SOX6: variants seen among roughly 807,000 people sequenced by gnomAD.
The protein encoded by SOX6 is transcription factor SOX-6.
Under a neutral mutation model 97.8 loss-of-function variants are expected in SOX6, and 11 were observed. That is an observed-to-expected ratio of 0.11 (90% CI 0.07 to 0.19). SOX6 has a LOEUF of 0.19. Among genes scored for constraint, SOX6 ranks in the 10% least tolerant of loss-of-function variants. SOX6 has a pLI of 1.00. For missense variants in SOX6, 810 were observed against 1,039.5 expected, an observed-to-expected ratio of 0.78 and a Z score of 3.04; for synonymous variants, 360 against 371.4, an observed-to-expected ratio of 0.97 and a Z score of 0.35.
chr11:16,705,283 A>G (rs2134043849), intron 3 of SOX6, among the ~76,000 whole-genome samples: 2 of 151,838 alleles, frequency 1.3e-5, no homozygotes, highest in East Asian at 3.9e-4. Context: ...AAAGAAAGAA[A>G]CTAGAAATCA....
chr11:16,341,291 A>G (rs985098322), intron 1 of SOX6, 39 bp from the exon 2 acceptor site: 1 of 1,608,404 alleles, frequency 6.2e-7, no homozygotes, highest in Non-Finnish European at 8.5e-7. Context: ...AATGGCTGTC[A>G]ATAACAAACC....
At chr11:16,262,704 G>T (rs1275052393) in intron 3 of SOX6, among the ~76,000 whole-genome samples, 2 of 151,918 alleles carry the variant, frequency 1.3e-5, no homozygotes, top group African/African-American at 2.4e-5. Flanking sequence ...AAATATATAG[G>T]CATTGGCTTT....
chr11:16,612,843 C>G (rs1848415898), intron 3 of SOX6, among the ~76,000 whole-genome samples: 1 of 152,122 alleles, frequency 6.6e-6, no homozygotes, highest in Admixed American at 6.5e-5. Flanking sequence ...GGGAACCTTA[C>G]CTGCAGCACC....
At chr11:15,985,804 G>A (rs1357094072) in intron 15 of SOX6, among the ~76,000 whole-genome samples, 1 of 152,136 alleles carries the variant, frequency 6.6e-6, no homozygotes, top group Non-Finnish European at 1.5e-5. Flanking sequence ...CACAACAAAA[G>A]CAGACTATTG....
intron 3 of SOX6, among the ~76,000 whole-genome samples, chr11:16,677,826 G>C (rs1847896472): frequency 6.6e-6 from 1 of 152,078 alleles, no homozygotes; most frequent in Non-Finnish European, 1.5e-5. Context: ...AAGCTATCTG[G>C]CACTGGAATT....
At chr11:16,574,145 A>G (rs1847962213) in intron 4 of SOX6, among the ~76,000 whole-genome samples, 1 of 152,186 alleles carries the variant, frequency 6.6e-6, no homozygotes, top group African/African-American at 2.4e-5. Flanking sequence ...AGTTAATTCT[A>G]AATTTATATG....
At chr11:16,057,598 A>C (rs958541928) in intron 9 of SOX6, among the ~76,000 whole-genome samples, 6 of 152,134 alleles carry the variant, frequency 3.9e-5, no homozygotes, top group Non-Finnish European at 8.8e-5. Context: ...GGCACTTGTA[A>C]TTCCTTTTGC....
At chr11:16,401,366 G>A (rs899259377) in intron 1 of SOX6, among the ~76,000 whole-genome samples, 2 of 151,440 alleles carry the variant, frequency 1.3e-5, no homozygotes, top group East Asian at 1.9e-4. Context: ...AAAATGGAGC[G>A]TTAATAGTTA....
At chr11:16,100,749 C>T (rs1382399769) in intron 7 of SOX6, among the ~76,000 whole-genome samples, 1 of 149,406 alleles carries the variant, frequency 6.7e-6, no homozygotes, top group Admixed American at 6.7e-5. Flanking sequence ...ATAAAGTCTA[C>T]CTTTTAAAAA....
At chr11:16,154,596 G>A (rs1221963364) in intron 6 of SOX6, among the ~76,000 whole-genome samples, 1 of 151,956 alleles carries the variant, frequency 6.6e-6, no homozygotes, top group Non-Finnish European at 1.5e-5. Flanking sequence ...ATTAAGTACA[G>A]TGGTCTTCTG....
chr11:16,467,333 C>T (rs942989315), intron 1 of SOX6, among the ~76,000 whole-genome samples: 2 of 152,156 alleles, frequency 1.3e-5, no homozygotes, highest in African/African-American at 4.8e-5. Context: ...AAGACACATG[C>T]ATGCATATGT....
At chr11:16,314,597 A>T (rs988800993) in intron 3 of SOX6, 8 of 152,216 alleles carry the variant, frequency 5.3e-5, no homozygotes, top group Non-Finnish European at 1.2e-4. Flanking sequence ...GGTGGTCCAC[A>T]GACTCCAGCA....
chr11:16,079,823 C>T (rs191738163), intron 9 of SOX6, among the ~76,000 whole-genome samples: 6 of 149,666 alleles, frequency 4.0e-5, no homozygotes, highest in South Asian at 2.1e-4. Flanking sequence ...TTTTGCAGCA[C>T]GTAAATATGC....
At chr11:16,696,490 A>C (rs886366976) in intron 3 of SOX6, among the ~76,000 whole-genome samples, 2 of 152,240 alleles carry the variant, frequency 1.3e-5, no homozygotes, top group African/African-American at 4.8e-5. Context: ...GTTTGGTTCC[A>C]GATCATTTCA....
At chr11:16,133,694 TTTTG>T (rs1472862765) in intron 6 of SOX6, among the ~76,000 whole-genome samples, 5 of 151,554 alleles carry the variant, frequency 3.3e-5, no homozygotes, top group East Asian at 3.9e-4. Context: ...TTTTGTTTTG[TTTTG>T]TTTGTTTTGA....
At chr11:16,112,820 T>C (rs575376698) in intron 6 of SOX6, among the ~76,000 whole-genome samples, 2 of 152,344 alleles carry the variant, frequency 1.3e-5, no homozygotes, top group South Asian at 4.1e-4. Context: ...CAGGATAGCA[T>C]GACAGGAAGG....
chr11:16,281,032 C>T (rs956521805), intron 3 of SOX6, among the ~76,000 whole-genome samples: 1 of 151,952 alleles, frequency 6.6e-6, no homozygotes, highest in African/African-American at 2.4e-5. Flanking sequence ...AAGAGTCAGC[C>T]CTCAACAAAG....
chr11:16,531,149 T>C (rs1279585603), intron 4 of SOX6, among the ~76,000 whole-genome samples: 2 of 150,662 alleles, frequency 1.3e-5, no homozygotes, highest in Non-Finnish European at 3.0e-5. Context: ...GAAGAGAATG[T>C]TTCCTCATAG....
At chr11:16,395,797 T>C (rs1565129649) in intron 1 of SOX6, among the ~76,000 whole-genome samples, 1 of 151,914 alleles carries the variant, frequency 6.6e-6, no homozygotes, top group East Asian at 1.9e-4. Flanking sequence ...CATGAGTCAT[T>C]ATCACTAGCA....
Sources: gnomAD v4.1 joint callset for allele counts (sites outside exome capture counted in the v4.1 genomes callset) on GRCh38, gnomAD v4.1.1 for gene constraint, MANE v1.5 for transcripts, NCBI Gene and HGNC (gene_info 2026-07-23, HGNC 2026-07-21) for gene names.